PDE8B: variants seen among roughly 807,000 people sequenced by gnomAD.
The protein encoded by PDE8B is phosphodiesterase 8B.
PDE8B carries 26 observed loss-of-function variants against 101.3 expected under a neutral mutation model. That is an observed-to-expected ratio of 0.26 (90% CI 0.19 to 0.36). The LOEUF (loss-of-function observed/expected upper bound fraction) is 0.36, where lower values mean the gene tolerates loss of function less well. Ranked by LOEUF, PDE8B falls within the 10% of genes least tolerant of loss-of-function variation. The pLI is 1.00. For synonymous variants in PDE8B, 424 were observed against 429.3 expected, an observed-to-expected ratio of 0.99 and a Z score of 0.15; for missense variants, 810 against 1,163.1, an observed-to-expected ratio of 0.70 and a Z score of 4.42.
At chr5:77,368,415 C>T (rs1408830006) in intron 10 of PDE8B, among the ~76,000 whole-genome samples, 2 of 152,216 alleles carry the variant, frequency 1.3e-5, no homozygotes, top group Non-Finnish European at 2.9e-5. Context: ...CAGCTTCTTA[C>T]ACCCTGTTAC....
intron 6 of PDE8B, among the ~76,000 whole-genome samples, chr5:77,341,904 C>G (rs1779269414): frequency 6.6e-6 from 1 of 152,184 alleles, no homozygotes; most frequent in Non-Finnish European, 1.5e-5. Context: ...AAATATACTA[C>G]TGCGCCTGTA....
the PDE8B span, among the ~76,000 whole-genome samples, chr5:77,122,485 T>C: frequency 6.6e-6 from 1 of 152,182 alleles, no homozygotes; most frequent in Non-Finnish European, 1.5e-5. Context: ...CACCTGAAAG[T>C]GGGACAATTA....
At chr5:77,386,900 G>A (rs1270739283) in intron 10 of PDE8B, among the ~76,000 whole-genome samples, 12 of 80,058 alleles carry the variant, frequency 1.5e-4, no homozygotes, top group Middle Eastern at 7.9e-3. Context: ...TTTTTGAGAC[G>A]GAGTCTCGCT....
At chr5:77,419,408 A>G (rs1423720289) in intron 18 of PDE8B, among the ~76,000 whole-genome samples, 1 of 152,216 alleles carries the variant, frequency 6.6e-6, no homozygotes, top group Non-Finnish European at 1.5e-5. Flanking sequence ...GCAGTGGGCC[A>G]GCTTATGTGG....
At chr5:77,331,222 T>C (rs916251320) in intron 4 of PDE8B, 180 bp from the exon 5 acceptor site, 8 of 722,700 alleles carry the variant, frequency 1.1e-5, no homozygotes, top group Non-Finnish European at 2.5e-6. Context: ...TCTTTTTGCA[T>C]CTGGAAGGTA....
In PDE8B at chr5:77,335,240, G is replaced by A. The variant is rs556960672; in HGVS notation, c.709-1987G>A. The stretch of plus-strand genomic sequence containing the variant: ...GCATTTTCAAAACATATTTTATCAT[G>A]GTTTTTTCATGTTTTTACAAAACAT... On this transcript the variant is annotated intron_variant, in intron 5 of 21. Coordinates refer to ENST00000264917, the MANE Select transcript of PDE8B (RefSeq NM_003719.5). Among the ~76,000 whole-genome samples, 4 of 152,096 alleles carry A rather than the reference G, an allele frequency of 2.6e-5. No homozygotes were observed. In the East Asian group the frequency reaches 5.8e-4, roughly 22 times the overall value.
intron 1 of PDE8B, among the ~76,000 whole-genome samples, chr5:77,232,321 T>C (rs918269936): frequency 5.9e-5 from 9 of 152,228 alleles, no homozygotes; most frequent in African/African-American, 2.2e-4. Context: ...TGCATATCAT[T>C]GTATTGCGAT....
chr5:77,099,802 G>T, the PDE8B span, among the ~76,000 whole-genome samples: 8 of 151,976 alleles, frequency 5.3e-5, 1 homozygote, highest in Admixed American at 5.2e-4. Context: ...TAGAAACAGG[G>T]TTTCACCATA....
intron 1 of PDE8B, among the ~76,000 whole-genome samples, chr5:77,249,986 CCT>C (rs1757750201): frequency 6.6e-6 from 1 of 152,168 alleles, no homozygotes; most frequent in Non-Finnish European, 1.5e-5. Context: ...TGCACACGTC[CCT>C]GTTATACAAT....
chr5:77,201,339 C>T, the PDE8B span, among the ~76,000 whole-genome samples: 1 of 152,214 alleles, frequency 6.6e-6, no homozygotes, highest in Non-Finnish European at 1.5e-5. Flanking sequence ...CTGTCCTCCT[C>T]ATAAAGGCTC....
intron 1 of PDE8B, chr5:77,290,340 G>A: frequency 1.4e-6 from 2 of 1,469,218 alleles, no homozygotes; most frequent in Non-Finnish European, 9.5e-7. Flanking sequence ...GGAAAATGAG[G>A]GCGTGTATAA....
intron 5 of PDE8B, among the ~76,000 whole-genome samples, chr5:77,333,557 G>A (rs552181568): frequency 1.4e-4 from 21 of 152,096 alleles, no homozygotes; most frequent in Non-Finnish European, 2.2e-4. Flanking sequence ...GGGTTTTATC[G>A]ATCAGGACCC....
chr5:77,347,782 G>A (rs1780400638), intron 7 of PDE8B, among the ~76,000 whole-genome samples: 1 of 152,130 alleles, frequency 6.6e-6, no homozygotes, highest in Non-Finnish European at 1.5e-5. Context: ...AGTTGGAGAG[G>A]GAAAGAGACA....
intron 1 of PDE8B, among the ~76,000 whole-genome samples, chr5:77,233,555 A>G (rs1754019701): frequency 6.6e-6 from 1 of 152,096 alleles, no homozygotes; most frequent in African/African-American, 2.4e-5. Context: ...AACTGATCTG[A>G]AAGAAGACTT....
At chr5:77,355,463 T>C (rs1386112228) in intron 10 of PDE8B, among the ~76,000 whole-genome samples, 3 of 152,070 alleles carry the variant, frequency 2.0e-5, no homozygotes, top group African/African-American at 7.2e-5. Context: ...TCCGGTGGTG[T>C]GGTTTTCTGG....
At chr5:77,230,060 T>G (rs1036246799) in intron 1 of PDE8B, among the ~76,000 whole-genome samples, 1 of 152,230 alleles carries the variant, frequency 6.6e-6, no homozygotes, top group African/African-American at 2.4e-5. Context: ...CCAGCATGTA[T>G]GAGGGTCTCT....
chr5:77,203,997 T>C, the PDE8B span, among the ~76,000 whole-genome samples: 16,418 of 150,976 alleles, frequency 0.11, 1,399 homozygotes, highest in East Asian at 0.51. Context: ...CCTTGCTTTA[T>C]AGATTGTAAA....
the PDE8B span, among the ~76,000 whole-genome samples, chr5:77,178,097 T>A: frequency 1.3e-5 from 2 of 152,232 alleles, no homozygotes; most frequent in African/African-American, 4.8e-5. Context: ...GCAGACGTCC[T>A]CCTAGTACTT....
At chr5:77,393,602 T>C (rs1335565165) in intron 10 of PDE8B, among the ~76,000 whole-genome samples, 1 of 152,224 alleles carries the variant, frequency 6.6e-6, no homozygotes, top group Admixed American at 6.5e-5. Flanking sequence ...ATACTTGGCC[T>C]AATTATTTGC....
Sources: gnomAD v4.1 joint callset for allele counts (sites outside exome capture counted in the v4.1 genomes callset) on GRCh38, gnomAD v4.1.1 for gene constraint, MANE v1.5 for transcripts, NCBI Gene and HGNC (gene_info 2026-07-23, HGNC 2026-07-21) for gene names.